SNTG1: variants seen among roughly 807,000 people sequenced by gnomAD.
SNTG1 encodes the protein gamma-1-syntrophin.
In SNTG1, 39 loss-of-function variants were observed where a neutral mutation model predicts 74.7. That is an observed-to-expected ratio of 0.52 (90% CI 0.40 to 0.68). The LOEUF is 0.68. Among genes scored for constraint, SNTG1 ranks in the 30% least tolerant of loss-of-function variants. SNTG1 has a pLI of 0.00. For missense variants in SNTG1, 685 were observed against 609.5 expected (o/e 1.12, Z -1.30); for synonymous variants, 254 against 217.1 (o/e 1.17, Z -1.49).
intron 8 of SNTG1, among the ~76,000 whole-genome samples, chr8:50,471,244 A>AC (rs1554538144): frequency 1.4e-5 from 2 of 147,468 alleles, no homozygotes; most frequent in Non-Finnish European, 3.0e-5. Flanking sequence ...AAATCATATA[A>AC]TTTTTTTTTT....
At chr8:50,579,308 T>C (rs2094595164) in intron 12 of SNTG1, among the ~76,000 whole-genome samples, 1 of 152,140 alleles carries the variant, frequency 6.6e-6, no homozygotes, top group African/African-American at 2.4e-5. Context: ...GGAAGAAATT[T>C]CTAGGCAGCA....
chr8:50,601,032 A>G (rs1422321120), intron 13 of SNTG1, among the ~76,000 whole-genome samples: 2 of 151,656 alleles, frequency 1.3e-5, no homozygotes, highest in African/African-American at 4.8e-5. Flanking sequence ...TTAGTTGGGC[A>G]TGGTGGCATG....
chr8:50,243,081 T>A (rs958813789), intron 2 of SNTG1, among the ~76,000 whole-genome samples: 7 of 152,102 alleles, frequency 4.6e-5, no homozygotes, highest in Non-Finnish European at 1.0e-4. Flanking sequence ...CATGTGAGAA[T>A]TAGTAAACTG....
chr8:50,087,290 A>G (rs1822982216), intron 1 of SNTG1, among the ~76,000 whole-genome samples: 1 of 152,164 alleles, frequency 6.6e-6, no homozygotes, highest in Non-Finnish European at 1.5e-5. Context: ...TGAAAGGGTC[A>G]AGTTTGTCTT....
At chr8:50,244,480 A>C (rs1272796958) in intron 2 of SNTG1, among the ~76,000 whole-genome samples, 1 of 152,194 alleles carries the variant, frequency 6.6e-6, no homozygotes, top group African/African-American at 2.4e-5. Flanking sequence ...CTAAAATACA[A>C]GTCATGAGCT....
At chr8:50,351,073 G>A (rs2091645412) in intron 2 of SNTG1, among the ~76,000 whole-genome samples, 1 of 152,216 alleles carries the variant, frequency 6.6e-6, no homozygotes, top group African/African-American at 2.4e-5. Flanking sequence ...TGAAGTCAGT[G>A]AGACCAAGAA....
intron 2 of SNTG1, among the ~76,000 whole-genome samples, chr8:50,268,834 T>C (rs1232564113): frequency 6.6e-6 from 1 of 151,960 alleles, no homozygotes; most frequent in East Asian, 1.9e-4. Flanking sequence ...TTTTTTTGTA[T>C]TTATAGTAGA....
At chr8:50,545,288 A>G (rs534749741) in intron 11 of SNTG1, among the ~76,000 whole-genome samples, 10 of 151,414 alleles carry the variant, frequency 6.6e-5, no homozygotes, top group Admixed American at 6.6e-4. Flanking sequence ...TAATGTAATG[A>G]CCCTGATTCA....
At chr8:50,642,641 A>C (rs931122971) in intron 13 of SNTG1, among the ~76,000 whole-genome samples, 3 of 152,068 alleles carry the variant, frequency 2.0e-5, no homozygotes, top group Non-Finnish European at 4.4e-5. Flanking sequence ...AGATATCCAT[A>C]CAGGTAACTC....
At chr8:50,152,767 G>A (rs913782472) in intron 1 of SNTG1, among the ~76,000 whole-genome samples, 3 of 152,198 alleles carry the variant, frequency 2.0e-5, no homozygotes, top group Admixed American at 6.5e-5. Flanking sequence ...TTTCTGCCGA[G>A]AGATCAGCTG....
At chr8:50,729,945 G>A (rs760168489) in intron 17 of SNTG1, among the ~76,000 whole-genome samples, 19 of 152,118 alleles carry the variant, frequency 1.2e-4, no homozygotes, top group Non-Finnish European at 2.4e-4. Flanking sequence ...CAGGTACCCC[G>A]AGCAGCTGGG....
intron 2 of SNTG1, among the ~76,000 whole-genome samples, chr8:50,390,942 G>A (rs995751840): frequency 6.6e-6 from 1 of 152,080 alleles, no homozygotes; most frequent in South Asian, 2.1e-4. Context: ...CTTTGCTAAA[G>A]TTGCTTATCA....
chr8:49,998,688 G>T (rs1368205216), intron 1 of SNTG1, among the ~76,000 whole-genome samples: 1 of 150,376 alleles, frequency 6.6e-6, no homozygotes, highest in Non-Finnish European at 1.5e-5. Flanking sequence ...TCCACATCTT[G>T]TCCCCCTGGA....
intron 15 of SNTG1, among the ~76,000 whole-genome samples, chr8:50,682,749 A>G (rs2131396218): frequency 6.6e-6 from 1 of 152,088 alleles, no homozygotes; most frequent in Admixed American, 6.5e-5. Flanking sequence ...GTCCCCCAAC[A>G]CCCTCAGGCA....
At chr8:50,343,160 G>A (rs2091369122) in intron 2 of SNTG1, among the ~76,000 whole-genome samples, 1 of 152,132 alleles carries the variant, frequency 6.6e-6, no homozygotes, top group African/African-American at 2.4e-5. Flanking sequence ...ATTGCACCCG[G>A]TCAGACCTGA....
intron 8 of SNTG1, among the ~76,000 whole-genome samples, chr8:50,487,494 A>T (rs1432967248): frequency 1.3e-5 from 2 of 152,230 alleles, no homozygotes; most frequent in African/African-American, 4.8e-5. Flanking sequence ...TACACCATGG[A>T]ATACTATGCA....
intron 1 of SNTG1, among the ~76,000 whole-genome samples, chr8:50,135,775 A>T (rs920184964): frequency 1.3e-5 from 2 of 152,114 alleles, no homozygotes; most frequent in East Asian, 3.8e-4. Flanking sequence ...TTTTAAATTT[A>T]GTTTTTAGTT....
chr8:50,728,830 G>A (rs2095506136), intron 17 of SNTG1, among the ~76,000 whole-genome samples: 1 of 152,068 alleles, frequency 6.6e-6, no homozygotes, highest in Non-Finnish European at 1.5e-5. Flanking sequence ...CCCTGACTGG[G>A]TCAAATCTTT....
chr8:50,035,242 G>C (rs991146257), intron 1 of SNTG1, among the ~76,000 whole-genome samples: 1 of 152,132 alleles, frequency 6.6e-6, no homozygotes, highest in East Asian at 1.9e-4. Flanking sequence ...GGTATTTCTT[G>C]AATAAAAGAA....
Sources: allele counts gnomAD v4.1 joint callset (sites outside exome capture counted in the v4.1 genomes callset), GRCh38; gene constraint gnomAD v4.1.1; transcripts MANE v1.5; gene names NCBI Gene and HGNC (gene_info 2026-07-23, HGNC 2026-07-21).